SV2C: variants seen among roughly 807,000 people sequenced by gnomAD.
SV2C encodes the protein solute carrier family 22 member B3.
SV2C carries 49 observed loss-of-function variants against 79.7 expected under a neutral mutation model. The observed-to-expected ratio is 0.61, with a 90% confidence interval of 0.49 to 0.78. The LOEUF is 0.78. Among genes scored for constraint, SV2C ranks in the 30% least tolerant of loss-of-function variants. The pLI, the probability that SV2C is intolerant of heterozygous loss-of-function variation, is 0.00. For missense variants in SV2C, 833 were observed against 912.9 expected, an observed-to-expected ratio of 0.91 and a Z score of 1.13; for synonymous variants, 334 against 333.2, an observed-to-expected ratio of 1.00 and a Z score of -0.03.
chr5:75,852,825 CA>C, the SV2C span, among the ~76,000 whole-genome samples: 1,662 of 81,104 alleles, frequency 0.02, 20 homozygotes, highest in African/African-American at 0.059. Context: ...GACTCCGTCT[CA>C]AAAAAAAAAA....
chr5:75,863,843 T>A, the SV2C span, among the ~76,000 whole-genome samples: 1 of 152,210 alleles, frequency 6.6e-6, no homozygotes, highest in Non-Finnish European at 1.5e-5. Context: ...AACCTATATT[T>A]TTCTGTTGAT....
chr5:76,001,891 AC>A, the SV2C span, among the ~76,000 whole-genome samples: 2 of 151,892 alleles, frequency 1.3e-5, no homozygotes, highest in Non-Finnish European at 2.9e-5. Context: ...ATTTTGGTAC[AC>A]CCGTCACCTG....
Position 76,236,645 on chromosome 5 carries a change from C to T in SV2C, c.913+26758C>T, listed in dbSNP as rs115650578. Among the ~76,000 whole-genome samples the T allele has an allele frequency of 3.6e-3, 552 of 152,106 alleles. 3 individuals are homozygous for T. Among genetic ancestry groups the T allele is most frequent in the Non-Finnish European group, 3.8e-3 (257 of 67,984 alleles). On this transcript the variant is annotated intron_variant, in intron 4 of 12. Coordinates refer to ENST00000502798, the MANE Select transcript of SV2C (RefSeq NM_014979.4). ...GTTCTTTTTAACAACCAGCTCTTAT[C>T]GGAACAAATAAAGTGAGAACTCACT...
chr5:76,096,240 T>G (rs1463874795), intron 1 of SV2C, among the ~76,000 whole-genome samples: 1 of 152,188 alleles, frequency 6.6e-6, no homozygotes, highest in Non-Finnish European at 1.5e-5. Context: ...TGCTTCTTTT[T>G]CCTAATATCT....
At chr5:76,023,937 C>T in the SV2C span, among the ~76,000 whole-genome samples, 1 of 151,550 alleles carries the variant, frequency 6.6e-6, no homozygotes, top group Admixed American at 6.6e-5. Flanking sequence ...ACACTAGATA[C>T]CAGTAGCACT....
the SV2C span, among the ~76,000 whole-genome samples, chr5:75,945,224 T>A: frequency 6.6e-6 from 1 of 152,118 alleles, no homozygotes; most frequent in East Asian, 1.9e-4. Context: ...AAAAATATAG[T>A]ATCTGAAGAC....
At chr5:75,945,609 A>C in the SV2C span, among the ~76,000 whole-genome samples, 2 of 152,048 alleles carry the variant, frequency 1.3e-5, no homozygotes, top group African/African-American at 4.8e-5. Flanking sequence ...ATGAACCACC[A>C]TGCCTGCCCA....
In SV2C at chr5:76,348,666, T is replaced by A. The variant is rs566827606; in HGVS notation, c.2001-4464T>A. Among the ~76,000 whole-genome samples, 5 of 152,268 alleles carry A rather than the reference T, an allele frequency of 3.3e-5. No homozygotes were observed. In the South Asian group the frequency reaches 1.0e-3, roughly 32 times the overall value. ...TGTACATGAGTAATGTGACTCTATA[T>A]AATAAAGCTAAATCTTTAGGTGCCC... On this transcript the variant is annotated intron_variant, in intron 12 of 12. Transcript: ENST00000322285.
At chr5:76,139,825 C>CT (rs1243936718) in intron 2 of SV2C, among the ~76,000 whole-genome samples, 2 of 148,360 alleles carry the variant, frequency 1.3e-5, no homozygotes, top group Admixed American at 1.4e-4. Flanking sequence ...TTTTACTTGA[C>CT]TTTTTTCCAT....
chr5:76,192,369 T>G (rs1744130711), intron 2 of SV2C, among the ~76,000 whole-genome samples: 2 of 152,190 alleles, frequency 1.3e-5, no homozygotes, highest in Non-Finnish European at 2.9e-5. Flanking sequence ...TGATTTCAAG[T>G]TCTGACTTCT....
At chr5:76,167,561 A>G (rs945036461) in intron 2 of SV2C, among the ~76,000 whole-genome samples, 2 of 152,256 alleles carry the variant, frequency 1.3e-5, no homozygotes, top group Admixed American at 1.3e-4. Flanking sequence ...TGTGTGCCAG[A>G]TACAGTTCTA....
chr5:76,075,403 C>T, the SV2C span: 1 of 152,316 alleles, frequency 6.6e-6, no homozygotes. Context: ...CTGATTTGGA[C>T]CAATTAGAAT....
At chr5:76,243,143 G>A (rs1745844693) in intron 4 of SV2C, among the ~76,000 whole-genome samples, 1 of 151,978 alleles carries the variant, frequency 6.6e-6, no homozygotes, top group South Asian at 2.1e-4. Flanking sequence ...TTGGTGAGGG[G>A]CAAGGCACCA....
At chr5:76,019,651 GA>G in the SV2C span, among the ~76,000 whole-genome samples, 1 of 151,956 alleles carries the variant, frequency 6.6e-6, no homozygotes, top group African/African-American at 2.4e-5. Context: ...GCTAATTGGT[GA>G]AAAAACCCAA....
chr5:76,323,967 G>A (rs1418536631), intron 12 of SV2C, among the ~76,000 whole-genome samples: 1 of 152,104 alleles, frequency 6.6e-6, no homozygotes, highest in Non-Finnish European at 1.5e-5. Context: ...GTATACCTAT[G>A]TAACAAACCT....
At chr5:75,962,350 C>G in the SV2C span, among the ~76,000 whole-genome samples, 1 of 152,032 alleles carries the variant, frequency 6.6e-6, no homozygotes, top group Admixed American at 6.6e-5. Flanking sequence ...TACTTAGAGC[C>G]TATCAGAGTT....
At chr5:76,198,295 A>G (rs527779615) in intron 3 of SV2C, among the ~76,000 whole-genome samples, 1 of 152,258 alleles carries the variant, frequency 6.6e-6, no homozygotes, top group East Asian at 1.9e-4. Flanking sequence ...AGGTGGATCT[A>G]TCATGAATAG....
chr5:76,076,755 T>C, the SV2C span, among the ~76,000 whole-genome samples: 2 of 152,210 alleles, frequency 1.3e-5, no homozygotes, highest in Admixed American at 1.3e-4. Context: ...CATAGCCACA[T>C]TCTCTTGCTT....
the SV2C span, among the ~76,000 whole-genome samples, chr5:75,978,145 G>A: frequency 3.2e-4 from 48 of 152,256 alleles, no homozygotes; most frequent in Admixed American, 2.5e-3. Flanking sequence ...TTGCTGCATA[G>A]CAGAGTCAAT....
Sources: gnomAD v4.1 joint callset for allele counts (sites outside exome capture counted in the v4.1 genomes callset) on GRCh38, gnomAD v4.1.1 for gene constraint, MANE v1.5 for transcripts, NCBI Gene and HGNC (gene_info 2026-07-23, HGNC 2026-07-21) for gene names.